ROBO2: variants seen among roughly 807,000 people sequenced by gnomAD.
ROBO2 encodes roundabout homolog 2.
Under a neutral mutation model 160.8 loss-of-function variants are expected in ROBO2, and 53 were observed. The observed-to-expected ratio is 0.33, with a 90% CI of 0.26 to 0.41. ROBO2 has a LOEUF of 0.41. Among genes scored for constraint, ROBO2 ranks in the 10% least tolerant of loss-of-function variants. The probability of loss-of-function intolerance (pLI) is 1.00; values close to 1 mark genes in which losing one functional copy is unlikely to be tolerated. For synonymous variants in ROBO2, 664 were observed against 611.7 expected, an observed-to-expected ratio of 1.09 and a Z score of -1.26; for missense variants, 1,577 against 1,722.4, an observed-to-expected ratio of 0.92 and a Z score of 1.49.
intron 2 of ROBO2, among the ~76,000 whole-genome samples, chr3:77,099,071 C>CTT (rs750626067): frequency 0.045 from 5,486 of 121,196 alleles, 243 homozygotes; most frequent in African/African-American, 0.062. Flanking sequence ...TTCTTTCTTT[C>CTT]TTTTTTTTTT....
rs573396145 is a variant in ROBO2, at chr3:77,570,400, C to T, written c.1971+1966C>T. 7.9e-4 allele frequency among the ~76,000 whole-genome samples: 120 copies of T among 152,032 alleles called. 1 individual carries two copies. Among genetic ancestry groups the T allele is most frequent in the Middle Eastern group, 6.8e-3 (2 of 294 alleles). On this transcript the variant is annotated intron_variant, in intron 13 of 25. Transcript: ENST00000461745. ...CATTACTAGTTTGCACATCTATCCC[C>T]GTCATGGGCTGTAACTTCTGTGAGG... is the stretch of plus-strand genomic sequence containing the variant.
At chr3:75,947,010 A>C (rs1948326423) in intron 2 of ROBO2, among the ~76,000 whole-genome samples, 2 of 152,026 alleles carry the variant, frequency 1.3e-5, no homozygotes, top group South Asian at 2.1e-4. Context: ...TGTAGCAATA[A>C]ATTTGGAGAA....
At chr3:75,924,686 T>C (rs1256090281) in intron 1 of ROBO2, among the ~76,000 whole-genome samples, 4 of 111,516 alleles carry the variant, frequency 3.6e-5, no homozygotes, top group African/African-American at 1.0e-4. Flanking sequence ...CTTTTCTTTT[T>C]TTTTTTTTTT....
intron 2 of ROBO2, among the ~76,000 whole-genome samples, chr3:77,253,902 G>A (rs1226024401): frequency 6.6e-6 from 1 of 151,948 alleles, no homozygotes; most frequent in Non-Finnish European, 1.5e-5. Flanking sequence ...GAAATATTTT[G>A]TTCAAAATAA....
intron 2 of ROBO2, among the ~76,000 whole-genome samples, chr3:77,372,756 G>A (rs1018801941): frequency 1.3e-5 from 2 of 152,128 alleles, no homozygotes; most frequent in Non-Finnish European, 2.9e-5. Flanking sequence ...GGTGAAAACT[G>A]TTATCACTGG....
intron 2 of ROBO2, among the ~76,000 whole-genome samples, chr3:76,074,607 TA>T (rs2068582572): frequency 6.6e-6 from 1 of 152,198 alleles, no homozygotes; most frequent in Non-Finnish European, 1.5e-5. Flanking sequence ...AGAAAGGAAT[TA>T]AATGAAGTTA....
intron 2 of ROBO2, among the ~76,000 whole-genome samples, chr3:76,956,430 A>G (rs923262951): frequency 4.0e-5 from 6 of 151,418 alleles, no homozygotes; most frequent in South Asian, 2.1e-4. Flanking sequence ...GGTGGCGGAC[A>G]CCTGTAGTCC....
At chr3:77,006,908 CTCTT>C (rs946784609) in intron 2 of ROBO2, among the ~76,000 whole-genome samples, 1 of 152,010 alleles carries the variant, frequency 6.6e-6, no homozygotes, top group Non-Finnish European at 1.5e-5. Flanking sequence ...TAATATACCT[CTCTT>C]AGGATGAATG....
At chr3:76,296,593 C>A (rs929968781) in intron 2 of ROBO2, among the ~76,000 whole-genome samples, 6 of 152,130 alleles carry the variant, frequency 3.9e-5, no homozygotes, top group Non-Finnish European at 7.3e-5. Flanking sequence ...TCTGTTAAAA[C>A]ACTTCTAATG....
At chr3:77,097,926 T>G in intron 1 of ROBO2, 88 bp from the exon 2 acceptor site, 1 of 1,159,838 alleles carries the variant, frequency 8.6e-7, no homozygotes, top group Non-Finnish European at 1.2e-6. Context: ...AATCGAAGAG[T>G]TTAATTTCCC....
intron 2 of ROBO2, among the ~76,000 whole-genome samples, chr3:76,309,073 T>C (rs1239621472): frequency 1.3e-5 from 2 of 152,286 alleles, no homozygotes; most frequent in South Asian, 2.1e-4. Context: ...TTGCTAATCA[T>C]GAAATCTGTG....
chr3:75,946,647 T>C (rs992548691), intron 2 of ROBO2, among the ~76,000 whole-genome samples: 1 of 152,038 alleles, frequency 6.6e-6, no homozygotes, highest in African/African-American at 2.4e-5. Flanking sequence ...GGGAGGTACT[T>C]TGAAGATCTG....
At chr3:76,656,920 G>C (rs944790349) in intron 2 of ROBO2, among the ~76,000 whole-genome samples, 2 of 152,144 alleles carry the variant, frequency 1.3e-5, no homozygotes, top group South Asian at 2.1e-4. Context: ...TTAACTGGCT[G>C]TCTATTTAGT....
chr3:77,256,513 T>C (rs1323573483), intron 2 of ROBO2, among the ~76,000 whole-genome samples: 1 of 150,352 alleles, frequency 6.7e-6, no homozygotes, highest in Non-Finnish European at 1.5e-5. Flanking sequence ...TGTGTATGTG[T>C]GCATGTGAAA....
At chr3:76,560,694 T>TC (rs1396372157) in intron 2 of ROBO2, among the ~76,000 whole-genome samples, 2 of 150,548 alleles carry the variant, frequency 1.3e-5, no homozygotes, top group African/African-American at 2.4e-5. Flanking sequence ...GAACCCTTTT[T>TC]CCCCCACATA....
intron 2 of ROBO2, among the ~76,000 whole-genome samples, chr3:77,230,088 G>A (rs1489877423): frequency 6.6e-6 from 1 of 151,754 alleles, no homozygotes; most frequent in Non-Finnish European, 1.5e-5. Flanking sequence ...AATCACCCAT[G>A]CTAGACAGTT....
chr3:77,473,290 A>C (rs547445304), intron 2 of ROBO2, among the ~76,000 whole-genome samples: 9 of 151,742 alleles, frequency 5.9e-5, no homozygotes, highest in Admixed American at 5.9e-4. Context: ...GGAAGAAAAA[A>C]ATAATAATAA....
At chr3:75,913,564 ATAAAT>A (rs1412688723) in intron 1 of ROBO2, among the ~76,000 whole-genome samples, 10 of 152,226 alleles carry the variant, frequency 6.6e-5, no homozygotes, top group African/African-American at 1.4e-4. Flanking sequence ...ACAGCTACTG[ATAAAT>A]TAAATACCCT....
chr3:76,671,247 A>G (rs1317532086), intron 2 of ROBO2, among the ~76,000 whole-genome samples: 2 of 152,146 alleles, frequency 1.3e-5, no homozygotes, highest in East Asian at 3.8e-4. Context: ...TATTAGACAT[A>G]TATTCACTTT....
Sources: allele counts gnomAD v4.1 joint callset (sites outside exome capture counted in the v4.1 genomes callset), GRCh38; gene constraint gnomAD v4.1.1; transcripts MANE v1.5; gene names NCBI Gene and HGNC (gene_info 2026-07-23, HGNC 2026-07-21).